Variants in CALN1 observed in about 807,000 individuals in gnomAD.
CALN1 encodes calneuron 1, also known as calcium-binding protein 8.
Under a neutral mutation model 30.6 loss-of-function variants are expected in CALN1, and 17 were observed. That is an observed-to-expected ratio of 0.56 (90% CI 0.38 to 0.83). The LOEUF (loss-of-function observed/expected upper bound fraction) is 0.83. CALN1 is among the 40% of genes least tolerant of loss of function. The pLI is 0.00. For synonymous variants in CALN1, 156 were observed against 131.4 expected (o/e 1.19, Z -1.28); for missense variants, 291 against 354.9 (o/e 0.82, Z 1.45).
upstream of CALN1, among the ~76,000 whole-genome samples, chr7:72,415,650 T>A (rs1439673646): frequency 6.6e-6 from 1 of 152,222 alleles, no homozygotes; most frequent in Non-Finnish European, 1.5e-5. Flanking sequence ...CAAACCTGTT[T>A]GTGGGCTGAA....
the CALN1 span, among the ~76,000 whole-genome samples, chr7:72,498,797 T>C: frequency 6.7e-6 from 1 of 150,024 alleles, no homozygotes; most frequent in Non-Finnish European, 1.5e-5. Context: ...AATATCATTA[T>C]GAACTCATTC....
chr7:71,970,197 G>A (rs982515417), intron 5 of CALN1, among the ~76,000 whole-genome samples: 5 of 152,116 alleles, frequency 3.3e-5, no homozygotes, highest in South Asian at 2.1e-4. Context: ...TGTACTGTCC[G>A]AGAAAAGACA....
chr7:72,491,751 ATAGAG>A, the CALN1 span, among the ~76,000 whole-genome samples: 42 of 152,278 alleles, frequency 2.8e-4, no homozygotes, highest in Admixed American at 2.4e-3. Flanking sequence ...ATGAAAACTC[ATAGAG>A]TAGAGAGGAA....
At chr7:72,301,610 C>CAAAAA (rs34940935) in intron 2 of CALN1, among the ~76,000 whole-genome samples, 10 of 104,256 alleles carry the variant, frequency 9.6e-5, no homozygotes, top group Non-Finnish European at 1.3e-4. Context: ...CTTTGTCTCT[C>CAAAAA]AAAAAAAAAA....
In CALN1 at chr7:71,816,875, G is replaced by A. The variant is rs185672111; in HGVS notation, c.502-6383C>T. 9.9e-5 allele frequency among the ~76,000 whole-genome samples: 15 copies of A among 152,278 alleles called. 1 individual carries two copies. The highest frequency in any genetic ancestry group is 9.7e-4 in the East Asian group (5 of 5,170). Reference sequence around the variant, plus strand: ...CCCAGCTACTCAGGAGGCTGAGGCAGGAGAATCACTTGAACCTGGGAGGTG... The same window carrying A: ...CCCAGCTACTCAGGAGGCTGAGGCAAGAGAATCACTTGAACCTGGGAGGTG... On this transcript the variant is annotated intron_variant, in intron 5 of 6. Coordinates refer to ENST00000395275, the MANE Select transcript of CALN1 (RefSeq NM_031468.4).
intron 5 of CALN1, among the ~76,000 whole-genome samples, chr7:71,951,214 G>A (rs557053186): frequency 1.5e-4 from 23 of 152,258 alleles, no homozygotes; most frequent in African/African-American, 4.6e-4. Context: ...TATGGCATAA[G>A]GGACTTTGAT....
intron 5 of CALN1, among the ~76,000 whole-genome samples, chr7:71,871,116 G>T (rs112540039): frequency 2.7e-3 from 411 of 152,274 alleles, no homozygotes; most frequent in Non-Finnish European, 5.1e-3. Context: ...CTACTTAAGA[G>T]AACAAACTCT....
intron 3 of CALN1, among the ~76,000 whole-genome samples, chr7:72,162,624 A>G (rs1788191850): frequency 6.6e-6 from 1 of 152,086 alleles, no homozygotes; most frequent in African/African-American, 2.4e-5. Flanking sequence ...CTGTAATCCT[A>G]GCTACTCAGG....
At chr7:71,842,022 A>G (rs1789967803) in intron 5 of CALN1, among the ~76,000 whole-genome samples, 1 of 152,256 alleles carries the variant, frequency 6.6e-6, no homozygotes, top group East Asian at 1.9e-4. Context: ...AAAAAGACAA[A>G]AAACAAATCT....
At chr7:72,097,306 A>G (rs1488650834) in intron 4 of CALN1, among the ~76,000 whole-genome samples, 1 of 152,050 alleles carries the variant, frequency 6.6e-6, no homozygotes, top group Non-Finnish European at 1.5e-5. Flanking sequence ...CTTAAAGTGT[A>G]AAAAAAAGAA....
intron 3 of CALN1, among the ~76,000 whole-genome samples, chr7:72,248,708 T>C (rs1367863266): frequency 1.3e-5 from 2 of 152,150 alleles, no homozygotes; most frequent in African/African-American, 2.4e-5. Flanking sequence ...AAGTAACATG[T>C]TCACAAGTGT....
chr7:72,494,033 A>G, the CALN1 span, among the ~76,000 whole-genome samples: 918 of 152,220 alleles, frequency 6.0e-3, 8 homozygotes, highest in African/African-American at 0.02. Context: ...CCACAGAAAA[A>G]TGAAAAAATA....
intron 2 of CALN1, among the ~76,000 whole-genome samples, chr7:72,279,540 A>G (rs951925112): frequency 1.3e-5 from 2 of 152,204 alleles, no homozygotes; most frequent in Non-Finnish European, 2.9e-5. Flanking sequence ...TTCTACGCCA[A>G]TAGAAAAAAG....
At chr7:72,450,100 G>A (rs563712582), upstream of CALN1, among the ~76,000 whole-genome samples, 3 of 151,970 alleles carry the variant, frequency 2.0e-5, no homozygotes, top group East Asian at 5.8e-4. Context: ...CAGCTACTTG[G>A]GAGGCTAAGG....
At chr7:72,337,193 C>T (rs1802123547) in intron 2 of CALN1, 1 of 985,186 alleles carries the variant, frequency 1.0e-6, no homozygotes, top group South Asian at 4.7e-5. Flanking sequence ...CCCAGCTCCT[C>T]CCCAGCGGAT....
chr7:72,377,165 G>C (rs1804611481), intron 2 of CALN1, among the ~76,000 whole-genome samples: 1 of 152,088 alleles, frequency 6.6e-6, no homozygotes, highest in Non-Finnish European at 1.5e-5. Context: ...TCTAGTCATG[G>C]TTCCCTGAAT....
intron 4 of CALN1, among the ~76,000 whole-genome samples, chr7:72,082,267 T>A (rs1805198059): frequency 6.6e-6 from 1 of 152,226 alleles, no homozygotes; most frequent in Non-Finnish European, 1.5e-5. Flanking sequence ...ATTACAGGTG[T>A]GAGCCACCTC....
At chr7:72,396,967 G>C (rs977424942) in intron 2 of CALN1, among the ~76,000 whole-genome samples, 28 of 152,268 alleles carry the variant, frequency 1.8e-4, no homozygotes, top group African/African-American at 6.5e-4. Context: ...CTGGAGTGCA[G>C]TGGCATGATC....
intron 3 of CALN1, among the ~76,000 whole-genome samples, chr7:72,110,671 T>C (rs1024374726): frequency 6.4e-4 from 96 of 149,988 alleles, no homozygotes; most frequent in African/African-American, 2.1e-3. Flanking sequence ...TTTTTTTTTT[T>C]CAAAATAGCA....
Sources: allele counts gnomAD v4.1 joint callset (sites outside exome capture counted in the v4.1 genomes callset), GRCh38; gene constraint gnomAD v4.1.1; transcripts MANE v1.5; gene names NCBI Gene and HGNC (gene_info 2026-07-23, HGNC 2026-07-21).